IL13RA1: variants seen among roughly 807,000 people sequenced by gnomAD.
The protein encoded by IL13RA1 is interleukin 13 receptor subunit alpha 1.
A neutral mutation model predicts 33.8 loss-of-function variants in IL13RA1; 14 were observed. The ratio of observed to expected loss-of-function variants is 0.41; its 90% CI spans 0.27 to 0.65. The LOEUF is 0.65. IL13RA1 is among the 30% of genes least tolerant of loss of function. IL13RA1 has a pLI of 0.28. For synonymous variants in IL13RA1, 116 were observed against 115.7 expected (o/e 1.00, Z -0.02); for missense variants, 313 against 327.0 (o/e 0.96, Z 0.33).
rs2017986547 is a variant in IL13RA1, at chrX:118,792,424, T to A, written c.*570T>A. 8.9e-6 allele frequency: 1 copy of A among 111,758 alleles called. No individual in the cohort carries two copies. Among genetic ancestry groups the A allele is most frequent in the Non-Finnish European group, 1.9e-5 (1 of 53,139 alleles). The allele number at this position is 111,758 out of a possible 1,213,427, so 9.2% of individuals were successfully genotyped here. On this transcript the variant is annotated 3_prime_UTR_variant, in exon 11 of 11. Coordinates refer to ENST00000371666, the MANE Select transcript of IL13RA1 (RefSeq NM_001560.3). ...AATTTGGGAGTCCGAGGCGGGCGGA[T>A]CACTCGAGGTCAGGAGTTCCAGACC... is the stretch of plus-strand genomic sequence containing the variant.
intron 10 of IL13RA1, among the ~76,000 whole-genome samples, chrX:118,783,106 T>C (rs2017863871): frequency 8.9e-6 from 1 of 111,898 alleles, no homozygotes; most frequent in African/African-American, 3.2e-5. Flanking sequence ...CTCTGGAAAA[T>C]ATCTTAACCA....
intron 1 of IL13RA1, among the ~76,000 whole-genome samples, chrX:118,736,929 AGTT>A (rs1257811365): frequency 2.7e-5 from 3 of 112,695 alleles, no homozygotes; most frequent in African/African-American, 9.7e-5. Flanking sequence ...CAGCCTCTGT[AGTT>A]GTTTAAGAAT....
At chrX:118,739,114 A>G (rs1025734268) in intron 1 of IL13RA1, among the ~76,000 whole-genome samples, 4 of 112,149 alleles carry the variant, frequency 3.6e-5, no homozygotes, top group Non-Finnish European at 7.5e-5. Context: ...AGAAATCTCT[A>G]AAGTGCTTTC....
At chrX:118,753,742 C>T (rs1603212265) in intron 4 of IL13RA1, among the ~76,000 whole-genome samples, 1 of 112,263 alleles carries the variant, frequency 8.9e-6, no homozygotes, top group Non-Finnish European at 1.9e-5. Context: ...GCCCAGGTTG[C>T]TCTCGAACTC....
At chrX:118,796,171 A>G (rs1234932009), downstream of IL13RA1, among the ~76,000 whole-genome samples, 1 of 112,490 alleles carries the variant, frequency 8.9e-6, no homozygotes, top group East Asian at 2.8e-4. Flanking sequence ...AAGAAAATTA[A>G]TAGTTTCTGA....
chrX:118,747,404 C>T (rs770237009), intron 3 of IL13RA1, among the ~76,000 whole-genome samples: 120 of 110,149 alleles, frequency 1.1e-3, no homozygotes, highest in Non-Finnish European at 1.4e-3. Flanking sequence ...TCCTTTAGAT[C>T]GAGAGTCACA....
At chrX:118,804,157 G>A in the IL13RA1 span, among the ~76,000 whole-genome samples, 6 of 108,372 alleles carry the variant, frequency 5.5e-5, no homozygotes, top group Admixed American at 1.0e-4. Flanking sequence ...GGGTTTCACC[G>A]CGTTAGCCAG....
At chrX:118,803,948 T>C in the IL13RA1 span, among the ~76,000 whole-genome samples, 2 of 96,992 alleles carry the variant, frequency 2.1e-5, no homozygotes, top group Non-Finnish European at 4.1e-5. Flanking sequence ...TCTTTTTTCT[T>C]TCTTTCTTTC....
At chrX:118,730,723 A>G (rs1301786851) in intron 1 of IL13RA1, among the ~76,000 whole-genome samples, 1 of 112,192 alleles carries the variant, frequency 8.9e-6, no homozygotes, top group Non-Finnish European at 1.9e-5. Context: ...GTGAAGCTAC[A>G]TAAGAATCTA....
chrX:118,799,041 G>A (rs1326489621), downstream of IL13RA1, among the ~76,000 whole-genome samples: 50 of 111,963 alleles, frequency 4.5e-4, no homozygotes, highest in African/African-American at 1.2e-3. Context: ...GGCGGGGCCC[G>A]CACTCGGAGC....
At chrX:118,786,609 T>C (rs2017920380) in intron 10 of IL13RA1, among the ~76,000 whole-genome samples, 1 of 111,791 alleles carries the variant, frequency 8.9e-6, no homozygotes, top group South Asian at 3.7e-4. Context: ...AGTTGTTTCT[T>C]TCCCTAATTT....
At chrX:118,736,529 T>C (rs1040655117) in intron 1 of IL13RA1, among the ~76,000 whole-genome samples, 1 of 112,202 alleles carries the variant, frequency 8.9e-6, no homozygotes, top group Non-Finnish European at 1.9e-5. Context: ...CTTAGTCTTC[T>C]CAGGTTTTTT....
chrX:118,798,992 G>T (rs922408314), downstream of IL13RA1, among the ~76,000 whole-genome samples: 1 of 104,387 alleles, frequency 9.6e-6, no homozygotes, highest in African/African-American at 3.6e-5. Context: ...TGCGTGAGGC[G>T]CTTGTGGGCC....
chrX:118,749,603 C>T, intron 3 of IL13RA1, 55 bp from the exon 4 acceptor site: 1 of 1,139,817 alleles, frequency 8.8e-7, no homozygotes, highest in Admixed American at 2.2e-5. Context: ...GAGTGATTTG[C>T]TACTTTGCAT....
At chrX:118,783,004 G>A (rs1442174845) in intron 10 of IL13RA1, among the ~76,000 whole-genome samples, 1 of 111,204 alleles carries the variant, frequency 9.0e-6, no homozygotes, top group Non-Finnish European at 1.9e-5. Flanking sequence ...GAGAGACTGG[G>A]GCATGAAATA....
chrX:118,800,422 G>A, the IL13RA1 span, among the ~76,000 whole-genome samples: 2 of 110,649 alleles, frequency 1.8e-5, no homozygotes, highest in Admixed American at 9.6e-5. Context: ...CCACCGGGAG[G>A]AACGAAGAAC....
intron 1 of IL13RA1, 38 bp downstream of exon 1, chrX:118,727,764 G>T: frequency 1.5e-6 from 1 of 662,956 alleles, no homozygotes; most frequent in Non-Finnish European, 1.9e-6. Context: ...GCGGCCGGAG[G>T]GCTGAGGGCG....
chrX:118,782,527 G>A (rs763350584), intron 10 of IL13RA1, among the ~76,000 whole-genome samples: 1 of 111,129 alleles, frequency 9.0e-6, no homozygotes, highest in African/African-American at 3.3e-5. Flanking sequence ...GTGAGGAGTT[G>A]GATTAATAGA....
At position 118,756,723 on chromosome X, in the gene IL13RA1, T is replaced by G. The variant is rs949698443; in HGVS notation, c.489-1332T>G. Among the ~76,000 whole-genome samples the G allele has an allele frequency of 2.7e-5, 3 of 111,752 alleles. No individual in the cohort carries two copies. The Admixed American group carries it at 2.8e-4, about 11-fold the overall frequency. ...GGTGGGGGAAAAGGTGATTTTAATTTAAATTACCTAATCTAGGAGCCCAAA... is the reference window on the plus strand; with the variant it reads ...GGTGGGGGAAAAGGTGATTTTAATTGAAATTACCTAATCTAGGAGCCCAAA... On this transcript the variant is annotated intron_variant, in intron 4 of 10. Coordinates refer to ENST00000371666, the MANE Select transcript of IL13RA1 (RefSeq NM_001560.3).
Sources: gnomAD v4.1 joint callset for allele counts (sites outside exome capture counted in the v4.1 genomes callset) on GRCh38, gnomAD v4.1.1 for gene constraint, MANE v1.5 for transcripts, NCBI Gene and HGNC (gene_info 2026-07-23, HGNC 2026-07-21) for gene names.